Variants in MCF2 observed in about 807,000 individuals in gnomAD.
The protein encoded by MCF2 is proto-oncogene DBL.
A neutral mutation model predicts 82.5 loss-of-function variants in MCF2; 44 were observed. That is an observed-to-expected ratio of 0.53 (90% CI 0.42 to 0.69). The LOEUF (loss-of-function observed/expected upper bound fraction) is 0.69, where lower values mean the gene tolerates loss of function less well. Ranked by LOEUF, MCF2 falls within the 30% of genes least tolerant of loss-of-function variation. The probability of loss-of-function intolerance (pLI) is 0.00; values close to 1 mark genes in which losing one functional copy is unlikely to be tolerated. For synonymous variants in MCF2, 217 were observed against 224.9 expected, an observed-to-expected ratio of 0.96 and a Z score of 0.32; for missense variants, 623 against 663.1, an observed-to-expected ratio of 0.94 and a Z score of 0.66.
intron 19 of MCF2, among the ~76,000 whole-genome samples, chrX:139,592,197 C>A (rs1243185938): frequency 9.0e-6 from 1 of 111,493 alleles, no homozygotes; most frequent in Non-Finnish European, 1.9e-5. Context: ...TACTGGGGAA[C>A]CAAAGAAGAA....
intron 1 of MCF2, among the ~76,000 whole-genome samples, chrX:139,701,026 G>A (rs1021714150): frequency 2.7e-5 from 3 of 111,612 alleles, no homozygotes; most frequent in East Asian, 2.8e-4. Flanking sequence ...ACTCATTATC[G>A]AAGGACAGCA....
At chrX:139,675,026 CT>C (rs1286098519) in intron 1 of MCF2, among the ~76,000 whole-genome samples, 36 of 112,038 alleles carry the variant, frequency 3.2e-4, no homozygotes, top group African/African-American at 1.1e-3. Context: ...TGTTTTCACT[CT>C]TTTTTCTCTA....
intron 4 of MCF2, among the ~76,000 whole-genome samples, chrX:139,627,425 A>C (rs1932787755): frequency 8.9e-6 from 1 of 112,219 alleles, no homozygotes; most frequent in Non-Finnish European, 1.9e-5. Context: ...ATTTAGGTTT[A>C]ATTAACTCAT....
At chrX:139,599,573 C>T (rs1450434024) in intron 16 of MCF2, among the ~76,000 whole-genome samples, 1 of 110,566 alleles carries the variant, frequency 9.0e-6, no homozygotes, top group Non-Finnish European at 1.9e-5. Context: ...ATTATAGACA[C>T]CAAGTACCTC....
chrX:139,619,568 A>T lies in MCF2; in HGVS notation c.807+19T>A. Reference sequence around the variant, plus strand: ...TATTATACTGTATAATATAGCAGACATCTAAAATACAATCTTACCTGAGAA... The same window carrying T: ...TATTATACTGTATAATATAGCAGACTTCTAAAATACAATCTTACCTGAGAA... On this transcript the variant is annotated intron_variant, in intron 7 of 24. Coordinates refer to ENST00000370576, the Ensembl canonical transcript of MCF2. The T allele has an allele frequency of 8.9e-7, 1 of 1,119,981 alleles. No individual in the cohort carries two copies. Among genetic ancestry groups the T allele is most frequent in the Non-Finnish European group, 1.2e-6 (1 of 822,205 alleles). 92.3% of individuals were successfully genotyped at this position (1,119,981 alleles called of 1,213,427 possible).
At chrX:139,634,925 A>G (rs764291544) in intron 1 of MCF2, among the ~76,000 whole-genome samples, 79 of 110,529 alleles carry the variant, frequency 7.1e-4, no homozygotes, top group African/African-American at 2.5e-3. Context: ...GTGAGACCCC[A>G]TCTCTACAAA....
At chrX:139,678,599 G>A (rs1934929282) in intron 1 of MCF2, among the ~76,000 whole-genome samples, 1 of 111,418 alleles carries the variant, frequency 9.0e-6, no homozygotes, top group Non-Finnish European at 1.9e-5. Context: ...TTAATATCAA[G>A]GATATATAAA....
At chrX:139,637,793 G>C (rs1933320204) in intron 1 of MCF2, among the ~76,000 whole-genome samples, 1 of 111,530 alleles carries the variant, frequency 9.0e-6, no homozygotes, top group African/African-American at 3.3e-5. Flanking sequence ...TATGGTAAAA[G>C]AGACTTTATA....
chrX:139,647,419 G>A (rs1351694974), upstream of MCF2, among the ~76,000 whole-genome samples: 1 of 111,964 alleles, frequency 8.9e-6, no homozygotes, highest in East Asian at 2.8e-4. Flanking sequence ...AATGACATAG[G>A]AATTTTATTA....
At chrX:139,639,276 T>A (rs1193590697) in intron 1 of MCF2, among the ~76,000 whole-genome samples, 1 of 112,091 alleles carries the variant, frequency 8.9e-6, no homozygotes, top group Non-Finnish European at 1.9e-5. Context: ...AGGTTAGTCT[T>A]GTTTTATTTC....
intron 1 of MCF2, among the ~76,000 whole-genome samples, chrX:139,676,601 C>A (rs1473343210): frequency 8.9e-6 from 1 of 112,005 alleles, no homozygotes; most frequent in Non-Finnish European, 1.9e-5. Context: ...TGACCTTGGG[C>A]AAGCTACTTA....
chrX:139,602,915 T>C (rs774642530), intron 15 of MCF2, among the ~76,000 whole-genome samples: 94 of 112,347 alleles, frequency 8.4e-4, no homozygotes, highest in Non-Finnish European at 6.8e-4. Flanking sequence ...ACTTTATCAC[T>C]GTAGCATAAT....
intron 1 of MCF2, among the ~76,000 whole-genome samples, chrX:139,703,564 C>T (rs887368221): frequency 1.8e-5 from 2 of 111,314 alleles, no homozygotes; most frequent in Admixed American, 1.9e-4. Context: ...GGTGAAACCC[C>T]ATCTCTACAA....
chrX:139,655,031 T>C lies in MCF2; in HGVS notation c.-44-3243A>G, dbSNP rs998491082. 2.7e-5 allele frequency among the ~76,000 whole-genome samples: 3 copies of C among 112,325 alleles called. No individual in the cohort carries two copies. In the South Asian group the frequency reaches 1.1e-3, roughly 41 times the overall value. ...CTGTTTTATGCCAGTATCATGCTGT[T>C]ATGGTCAATACAGCTTTGTAGCAAG... is the stretch of plus-strand genomic sequence containing the variant. On this transcript the variant is annotated intron_variant, in intron 1 of 27. Coordinates refer to the MCF2 transcript ENST00000414978.
upstream of MCF2, among the ~76,000 whole-genome samples, chrX:139,647,198 C>T (rs1446290209): frequency 1.8e-5 from 2 of 111,937 alleles, no homozygotes; most frequent in Non-Finnish European, 3.8e-5. Flanking sequence ...ATTCCCCAAT[C>T]TGGACAACCA....
intron 6 of MCF2, among the ~76,000 whole-genome samples, chrX:139,625,520 T>C (rs1299359135): frequency 9.0e-6 from 1 of 111,514 alleles, no homozygotes; most frequent in Non-Finnish European, 1.9e-5. Context: ...AAGTAAGCCA[T>C]TCATGGGCAG....
At chrX:139,679,412 A>T (rs1934948581) in intron 1 of MCF2, among the ~76,000 whole-genome samples, 1 of 112,430 alleles carries the variant, frequency 8.9e-6, no homozygotes, top group Admixed American at 9.4e-5. Context: ...CTACAATTCC[A>T]CACAACTTTA....
chrX:139,642,402 A>C (rs1569378346), intron 1 of MCF2: 7 of 1,190,500 alleles, frequency 5.9e-6, no homozygotes, highest in Non-Finnish European at 8.0e-6. Context: ...CTATAGCACC[A>C]TGCTGCAGCA....
At chrX:139,616,583 G>A (rs1931929254) in intron 8 of MCF2, 110 bp from the exon 12 acceptor site, 1 of 379,565 alleles carries the variant, frequency 2.6e-6, no homozygotes, top group African/African-American at 2.6e-5. Context: ...AGTCAGAAAT[G>A]CTTTCAGAGC....
Sources: allele counts gnomAD v4.1 joint callset (sites outside exome capture counted in the v4.1 genomes callset), GRCh38; gene constraint gnomAD v4.1.1; transcripts MANE v1.5; gene names NCBI Gene and HGNC (gene_info 2026-07-23, HGNC 2026-07-21).